The following CNTN4 variants were observed in gnomAD, a reference collection of about 807,000 sequenced individuals.
CNTN4 encodes the protein contactin 4, also known as contactin-4.
A neutral mutation model predicts 122.5 loss-of-function variants in CNTN4; 77 were observed. That is an observed-to-expected ratio of 0.63 (90% CI 0.52 to 0.76). The LOEUF (loss-of-function observed/expected upper bound fraction) is 0.76. CNTN4 is among the 30% of genes least tolerant of loss of function. CNTN4 has a pLI of 0.00. For missense variants in CNTN4, 1,256 were observed against 1,259.1 expected, an observed-to-expected ratio of 1.00 and a Z score of 0.04; for synonymous variants, 512 against 447.0, an observed-to-expected ratio of 1.15 and a Z score of -1.83.
chr3:2,301,429 G>A (rs576832396), intron 2 of CNTN4, among the ~76,000 whole-genome samples: 1 of 152,134 alleles, frequency 6.6e-6, no homozygotes, highest in Admixed American at 6.5e-5. Flanking sequence ...CTTGTAATAC[G>A]CTTTACTACT....
intron 2 of CNTN4, among the ~76,000 whole-genome samples, chr3:2,207,418 A>C (rs1184193905): frequency 6.6e-6 from 1 of 152,132 alleles, no homozygotes; most frequent in Non-Finnish European, 1.5e-5. Flanking sequence ...AAAACAAGGG[A>C]AAAGTTCTTA....
chr3:2,498,527 A>G lies in CNTN4; in HGVS notation c.-88-72889A>G, dbSNP rs541260190. Reference sequence around the variant, plus strand: ...GATCTCGCTTTGTCACCCAGGCTGGAGTGCATGCAGTGGCATGATCATGGC... The same window carrying G: ...GATCTCGCTTTGTCACCCAGGCTGGGGTGCATGCAGTGGCATGATCATGGC... On this transcript the variant is annotated intron_variant, in intron 3 of 24. Transcript: ENST00000418658. 9.9e-5 allele frequency among the ~76,000 whole-genome samples: 15 copies of G among 152,172 alleles called. No individual in the cohort carries two copies. The South Asian group carries it at 3.1e-3, about 32-fold the overall frequency.
intron 2 of CNTN4, among the ~76,000 whole-genome samples, chr3:2,177,023 G>C (rs1023585994): frequency 2.0e-5 from 3 of 152,046 alleles, no homozygotes; most frequent in African/African-American, 7.2e-5. Context: ...TCAAGAGTCA[G>C]TGAGAATTTT....
At chr3:2,716,494 G>A (rs1340203111) in intron 4 of CNTN4, among the ~76,000 whole-genome samples, 5 of 152,006 alleles carry the variant, frequency 3.3e-5, no homozygotes, top group African/African-American at 1.2e-4. Flanking sequence ...GTATGATTAT[G>A]TATGTGTCAT....
chr3:2,996,920 TAC>T (rs1244009289), intron 14 of CNTN4, among the ~76,000 whole-genome samples: 1 of 152,218 alleles, frequency 6.6e-6, no homozygotes, highest in African/African-American at 2.4e-5. Flanking sequence ...TCAGCATTAT[TAC>T]AGTTATATAT....
At chr3:2,607,688 C>A (rs1576196814) in intron 4 of CNTN4, among the ~76,000 whole-genome samples, 1 of 147,658 alleles carries the variant, frequency 6.8e-6, no homozygotes, top group South Asian at 2.2e-4. Context: ...CAGAAAACTT[C>A]AGTGAATAAA....
At chr3:2,225,457 G>T (rs1428807291) in intron 2 of CNTN4, among the ~76,000 whole-genome samples, 1 of 152,098 alleles carries the variant, frequency 6.6e-6, no homozygotes, top group Non-Finnish European at 1.5e-5. Context: ...AGCTTGCAGT[G>T]AGCCGAGATC....
intron 4 of CNTN4, among the ~76,000 whole-genome samples, chr3:2,695,853 C>A (rs2086001023): frequency 6.6e-6 from 1 of 151,828 alleles, no homozygotes; most frequent in African/African-American, 2.4e-5. Context: ...AAATGTTTTC[C>A]AAGAGAAGAA....
chr3:2,286,847 A>G (rs2041918099), intron 2 of CNTN4, among the ~76,000 whole-genome samples: 1 of 152,176 alleles, frequency 6.6e-6, no homozygotes, highest in African/African-American at 2.4e-5. Context: ...AACCAGGGAT[A>G]AAAAAAGCCG....
intron 3 of CNTN4, among the ~76,000 whole-genome samples, chr3:2,446,338 A>G (rs977421148): frequency 4.9e-5 from 5 of 101,494 alleles, no homozygotes; most frequent in African/African-American, 9.1e-5. Context: ...CATATGTTAC[A>G]ATGAGCCATG....
chr3:2,237,834 A>G (rs1055005322), intron 2 of CNTN4, among the ~76,000 whole-genome samples: 2 of 152,148 alleles, frequency 1.3e-5, no homozygotes, highest in African/African-American at 2.4e-5. Flanking sequence ...TGAAGATTAA[A>G]TAATTAATTT....
intron 3 of CNTN4, among the ~76,000 whole-genome samples, chr3:2,544,058 C>A (rs2078139875): frequency 6.6e-6 from 1 of 152,112 alleles, no homozygotes; most frequent in African/African-American, 2.4e-5. Context: ...AGAAACCTTT[C>A]TTGAGTAAGC....
intron 2 of CNTN4, among the ~76,000 whole-genome samples, chr3:2,191,773 C>T (rs1314458010): frequency 6.6e-6 from 1 of 151,972 alleles, no homozygotes; most frequent in Non-Finnish European, 1.5e-5. Flanking sequence ...GGTACATGTG[C>T]ACAACATGAG....
At chr3:2,326,343 C>T (rs574061176) in intron 2 of CNTN4, among the ~76,000 whole-genome samples, 6 of 152,240 alleles carry the variant, frequency 3.9e-5, no homozygotes, top group African/African-American at 1.2e-4. Flanking sequence ...CAGCATCTCA[C>T]GTCTACTGGG....
intron 2 of CNTN4, among the ~76,000 whole-genome samples, chr3:2,262,989 A>G (rs2040897061): frequency 6.6e-6 from 1 of 152,072 alleles, no homozygotes; most frequent in East Asian, 1.9e-4. Flanking sequence ...TTTCCTTGTA[A>G]GGAAAGTTCC....
chr3:2,859,519 CA>C (rs2093651169), intron 7 of CNTN4, among the ~76,000 whole-genome samples: 1 of 146,142 alleles, frequency 6.8e-6, no homozygotes, highest in Non-Finnish European at 1.5e-5. Context: ...AACATGCTAA[CA>C]AAAAGGATGC....
chr3:2,300,035 C>G (rs2042448189), intron 2 of CNTN4, among the ~76,000 whole-genome samples: 1 of 152,132 alleles, frequency 6.6e-6, no homozygotes, highest in African/African-American at 2.4e-5. Context: ...AGCTTATGAT[C>G]TAGGTCAGTC....
chr3:2,704,257 G>C (rs1348020418), intron 4 of CNTN4, among the ~76,000 whole-genome samples: 3 of 132,514 alleles, frequency 2.3e-5, no homozygotes, highest in African/African-American at 8.6e-5. Flanking sequence ...AGATTGTGCC[G>C]CTGCTCTCCA....
chr3:2,434,368 C>G (rs556216407), intron 3 of CNTN4, among the ~76,000 whole-genome samples: 11 of 152,196 alleles, frequency 7.2e-5, no homozygotes, highest in African/African-American at 2.2e-4. Context: ...AAGAAAGACT[C>G]TACAAGAAGA....
Sources: gnomAD v4.1 joint callset for allele counts (sites outside exome capture counted in the v4.1 genomes callset) on GRCh38, gnomAD v4.1.1 for gene constraint, MANE v1.5 for transcripts, NCBI Gene and HGNC (gene_info 2026-07-23, HGNC 2026-07-21) for gene names.